The following CRMP1 variants were observed in gnomAD, a reference collection of about 807,000 sequenced individuals.
CRMP1 encodes collapsin response mediator protein 1.
In CRMP1, 19 loss-of-function variants were observed where a neutral mutation model predicts 68.3. The observed-to-expected ratio is 0.28, with a 90% CI of 0.19 to 0.41. The LOEUF (loss-of-function observed/expected upper bound fraction) is 0.41, where lower values mean the gene tolerates loss of function less well. CRMP1 is among the 10% of genes least tolerant of loss of function. The pLI is 1.00. For missense variants in CRMP1, 791 were observed against 967.4 expected, an observed-to-expected ratio of 0.82 and a Z score of 2.42; for synonymous variants, 439 against 399.6, an observed-to-expected ratio of 1.10 and a Z score of -1.18.
In CRMP1 at chr4:5,867,067, C is replaced by T. The variant is rs990919470; in HGVS notation, c.382-311G>A. ...CTGTTAACCCATTTCCCGTTTGCCC[C>T]GAGAAATGAGTATGGGCAGCAAGCT... On this transcript the variant is annotated intron_variant, in intron 1 of 13. Coordinates refer to ENST00000324989, the MANE Select transcript of CRMP1 (RefSeq NM_001014809.3). Among the ~76,000 whole-genome samples, 5 of 152,258 alleles carry T rather than the reference C, an allele frequency of 3.3e-5. No individual in the cohort carries two copies. In the East Asian group the frequency reaches 5.8e-4, roughly 18 times the overall value.
chr4:5,880,513 T>C, intron 1 of CRMP1, among the ~76,000 whole-genome samples: 1 of 152,114 alleles, frequency 6.6e-6, no homozygotes, highest in South Asian at 2.1e-4. Flanking sequence ...GACTCCAAGT[T>C]CCAACACCAG....
rs777011311 is a variant in CRMP1 at position 5,860,994 on chromosome 4, A to G, written c.655+32T>C. On this transcript the variant is annotated intron_variant, in intron 3 of 13. Transcript: ENST00000324989. This position sits in a 1 kb window ranked among gnomAD's most constrained non-coding sequence, Gnocchi z 4.2. ...TGATGGGGAGGAGACCTCACAGTCT[A>G]TGTCCCTAAGGCAGGGGACAGTGTC... The G allele has an allele frequency of 2.5e-6, 4 of 1,603,960 alleles. No homozygotes were observed. The highest frequency in any genetic ancestry group is 1.1e-5 in the South Asian group (1 of 90,074).
rs750577945 is a variant in CRMP1 at position 5,821,739 on chromosome 4, A to C, written c.*21T>G. ...CATGATTCCCAGAATCCTTCAGGCT[A>C]GCTCCTCCGCGCATCCACGTTCAAC... On this transcript the variant is annotated 3_prime_UTR_variant, in exon 14 of 14. Transcript: ENST00000324989. The surrounding 1 kb of genome is among the most constrained non-coding windows in gnomAD (Gnocchi z 4.4). 16 of 1,589,710 alleles carry C rather than the reference A, an allele frequency of 1.0e-5. No homozygotes were observed. Among genetic ancestry groups the C allele is most frequent in the Non-Finnish European group, 1.4e-5 (16 of 1,165,228 alleles).
intron 3 of CRMP1, among the ~76,000 whole-genome samples, chr4:5,856,857 C>CCCG (rs1713111391): frequency 7.7e-6 from 1 of 129,594 alleles, no homozygotes; most frequent in Non-Finnish European, 1.6e-5. Flanking sequence ...TCATTGTCAC[C>CCCG]CCACCATCAT....
chr4:5,851,589 G>T, intron 4 of CRMP1, 120 bp from the exon 5 acceptor site: 3 of 977,398 alleles, frequency 3.1e-6, no homozygotes, highest in Non-Finnish European at 4.8e-6. Context: ...GTGCCATTGG[G>T]ATCCCCAGTG....
chr4:5,837,497 G>A (rs1423484985), intron 9 of CRMP1, among the ~76,000 whole-genome samples: 1 of 150,788 alleles, frequency 6.6e-6, no homozygotes, highest in South Asian at 2.1e-4. Flanking sequence ...GCGTGGTGGT[G>A]GGCGCTTGTA....
At chr4:5,849,577 C>T in intron 5 of CRMP1, 105 bp from the exon 6 acceptor site, 1 of 708,258 alleles carries the variant, frequency 1.4e-6, no homozygotes, top group Non-Finnish European at 2.4e-6. Context: ...CGGTCATTCA[C>T]CTGCCAGCCT....
At position 5,842,561 on chromosome 4, in the gene CRMP1, C is replaced by T. The variant is rs1711830925; in HGVS notation, c.1032+532G>A. On this transcript the variant is annotated intron_variant, in intron 7 of 13. Transcript: ENST00000324989. This position sits in a 1 kb window ranked among gnomAD's most constrained non-coding sequence, Gnocchi z 4.5. ...TGCCTTCCTCCTTCCACACTCCCTG[C>T]AGGTGCATGCACATGCACCCACACT... Among the ~76,000 whole-genome samples the T allele has an allele frequency of 6.6e-6, 1 of 151,882 alleles. No homozygotes were observed.
At position 5,860,585 on chromosome 4, in the gene CRMP1, T is replaced by C. The variant is rs946058884; in HGVS notation, c.655+441A>G. Among the ~76,000 whole-genome samples the C allele has an allele frequency of 2.0e-5, 3 of 152,092 alleles. No homozygotes were observed. Among genetic ancestry groups the C allele is most frequent in the African/African-American group, 7.2e-5 (3 of 41,426 alleles). ...CCCATCTGTCACAATAATACCTATGTCACTGGTTCTGAAACCATAGCCATC... is the reference window on the plus strand; with the variant it reads ...CCCATCTGTCACAATAATACCTATGCCACTGGTTCTGAAACCATAGCCATC... On this transcript the variant is annotated intron_variant, in intron 3 of 13. Transcript: ENST00000324989. The surrounding 1 kb of genome is among the most constrained non-coding windows in gnomAD (Gnocchi z 4.2).
Position 5,889,606 on chromosome 4 carries a change from G to T in CRMP1, c.381+2983C>A. ...ACTGGACAGGTGCCCCAAGTTCCCAGGCAGAATAAAACACCAACCTTGTCC... is the reference window on the plus strand; with the variant it reads ...ACTGGACAGGTGCCCCAAGTTCCCATGCAGAATAAAACACCAACCTTGTCC... On this transcript the variant is annotated intron_variant, in intron 1 of 13. Transcript: ENST00000324989. The surrounding 1 kb of genome is among the most constrained non-coding windows in gnomAD (Gnocchi z 4.5). The T allele has an allele frequency of 6.5e-7, 1 of 1,536,170 alleles. No individual in the cohort carries two copies. Among genetic ancestry groups the T allele is most frequent in the South Asian group, 1.2e-5 (1 of 84,066 alleles).
intron 1 of CRMP1, among the ~76,000 whole-genome samples, chr4:5,868,455 C>T (rs1714205040): frequency 6.6e-6 from 1 of 151,648 alleles, no homozygotes; most frequent in Non-Finnish European, 1.5e-5. Context: ...GTACCTGCCA[C>T]CACACTTGGC....
Position 5,843,998 on chromosome 4 carries a change from G to A in CRMP1, c.964-837C>T, listed in dbSNP as rs1041366126. Among the ~76,000 whole-genome samples, 2 of 152,086 alleles carry A rather than the reference G, an allele frequency of 1.3e-5. No individual in the cohort carries two copies. Among genetic ancestry groups the A allele is most frequent in the Non-Finnish European group, 2.9e-5 (2 of 68,022 alleles). The stretch of plus-strand genomic sequence containing the variant: ...AAAAAAAATTTGACATTGCCCAGAT[G>A]CCAGCTGTACTGCTGCTAATTTTAA... On this transcript the variant is annotated intron_variant, in intron 6 of 13. Coordinates refer to ENST00000324989, the MANE Select transcript of CRMP1 (RefSeq NM_001014809.3). This position sits in a 1 kb window ranked among gnomAD's most constrained non-coding sequence, Gnocchi z 4.1.
intron 11 of CRMP1, among the ~76,000 whole-genome samples, chr4:5,833,101 G>C (rs112045203): frequency 0.012 from 1,780 of 151,948 alleles, 30 homozygotes; most frequent in African/African-American, 0.041. Context: ...TGCCCCCAGA[G>C]CCTTCAGAGA....
chr4:5,844,445 A>AGAT lies in CRMP1; in HGVS notation c.964-1287_964-1285dup, dbSNP rs1449222799. On this transcript the variant is annotated intron_variant, in intron 6 of 13. Coordinates refer to ENST00000324989, the MANE Select transcript of CRMP1 (RefSeq NM_001014809.3). ...GAAGAGGCGAGGAAGGGAGGATGAA[A>AGAT]GATGACATGATGAAGAAAAACAAAG... 4.6e-5 allele frequency among the ~76,000 whole-genome samples: 7 copies of AGAT among 152,272 alleles called. No individual in the cohort carries two copies. The East Asian group carries it at 9.6e-4, about 21-fold the overall frequency.
rs1251936034 is a variant in CRMP1 at position 5,825,696 on chromosome 4, T to C, written c.1804-37A>G. ...AAGGGAGAGTGTGATTGATCGACAC[T>C]GTGCATGTGTGCCCTTCTGGGCAGA... On this transcript the variant is annotated intron_variant, in intron 12 of 13. Transcript: ENST00000324989. This position sits in a 1 kb window ranked among gnomAD's most constrained non-coding sequence, Gnocchi z 4.4. 1 of 1,600,034 alleles carries C rather than the reference T, an allele frequency of 6.2e-7. No homozygotes were observed. The highest frequency in any genetic ancestry group is 8.5e-7 in the Non-Finnish European group (1 of 1,172,382).
intron 1 of CRMP1, among the ~76,000 whole-genome samples, chr4:5,871,663 C>T (rs1714462077): frequency 6.6e-6 from 1 of 151,538 alleles, no homozygotes. Flanking sequence ...CCCCGCTCCC[C>T]GCCCACCAAA....
chr4:5,850,047 G>A lies in CRMP1; in HGVS notation c.883-575C>T, dbSNP rs1279932606. Among the ~76,000 whole-genome samples, 1 of 152,088 alleles carries A rather than the reference G, an allele frequency of 6.6e-6. No individual in the cohort carries two copies. The highest frequency in any genetic ancestry group is 2.4e-5 in the African/African-American group (1 of 41,420). On this transcript the variant is annotated intron_variant, in intron 5 of 13. Transcript: ENST00000324989. This position sits in a 1 kb window ranked among gnomAD's most constrained non-coding sequence, Gnocchi z 4.4. ...CCATCCTCTCAATTAGACAAAACAGGCCCTCCCCACTGCCCAGTGTTCTCT... is the reference window on the plus strand; with the variant it reads ...CCATCCTCTCAATTAGACAAAACAGACCCTCCCCACTGCCCAGTGTTCTCT...
In CRMP1 at chr4:5,843,990, G is replaced by A. The variant is rs1711992491; in HGVS notation, c.964-829C>T. On this transcript the variant is annotated intron_variant, in intron 6 of 13. Transcript: ENST00000324989. This position sits in a 1 kb window ranked among gnomAD's most constrained non-coding sequence, Gnocchi z 4.1. ...AAAAATAAAAAAAAAATTTGACATTGCCCAGATGCCAGCTGTACTGCTGCT... is the reference window on the plus strand; with the variant it reads ...AAAAATAAAAAAAAAATTTGACATTACCCAGATGCCAGCTGTACTGCTGCT... Among the ~76,000 whole-genome samples, 1 of 151,992 alleles carries A rather than the reference G, an allele frequency of 6.6e-6. No individual in the cohort carries two copies. Among genetic ancestry groups the A allele is most frequent in the Non-Finnish European group, 1.5e-5 (1 of 68,008 alleles).
intron 8 of CRMP1, 24 bp from the exon 9 acceptor site, chr4:5,839,702 T>C (rs781004489): frequency 8.0e-6 from 10 of 1,253,016 alleles, no homozygotes; most frequent in Non-Finnish European, 1.1e-5. Flanking sequence ...AACATAAGCC[T>C]GGTTAAAAGC....
Sources: gnomAD v4.1 joint callset for allele counts (sites outside exome capture counted in the v4.1 genomes callset) on GRCh38, gnomAD v4.1.1 for gene constraint, Gnocchi (gnomAD v3.1) non-coding constraint, MANE v1.5 for transcripts, NCBI Gene and HGNC (gene_info 2026-07-23, HGNC 2026-07-21) for gene names.